SEC14L5: variants seen among roughly 807,000 people sequenced by gnomAD.
SEC14L5 encodes the protein SEC14 like lipid binding 5.
In SEC14L5, 96 loss-of-function variants were observed where a neutral mutation model predicts 84.6. The observed-to-expected ratio is 1.13, with a 90% confidence interval of 0.96 to 1.34. SEC14L5 has a LOEUF of 1.34. SEC14L5 is among the 40% of genes most tolerant of loss of function. The pLI, the probability that SEC14L5 is intolerant of heterozygous loss-of-function variation, is 0.00. For missense variants in SEC14L5, 1,224 were observed against 942.5 expected (o/e 1.30, Z -3.91); for synonymous variants, 546 against 383.4 (o/e 1.42, Z -4.95).
intron 12 of SEC14L5, among the ~76,000 whole-genome samples, chr16:5,006,756 A>T (rs1955736107): frequency 1.3e-5 from 2 of 152,138 alleles, no homozygotes; most frequent in African/African-American, 4.8e-5. Flanking sequence ...TTTTTAGCAA[A>T]CGGTTCTGCA....
chr16:5,001,226 C>A (rs1955673208), intron 10 of SEC14L5, among the ~76,000 whole-genome samples: 1 of 151,570 alleles, frequency 6.6e-6, no homozygotes, highest in Admixed American at 6.6e-5. Context: ...CCTCCCACTC[C>A]ACTCAACAGT....
At chr16:5,003,316 C>A in intron 10 of SEC14L5, 86 bp from the exon 11 acceptor site, 1 of 1,034,598 alleles carries the variant, frequency 9.7e-7, no homozygotes, top group Non-Finnish European at 1.5e-6. Flanking sequence ...TCTCTCGGAG[C>A]CTCCCTGTTC....
chr16:4,963,991 T>C (rs1410517549), intron 2 of SEC14L5, among the ~76,000 whole-genome samples: 2 of 152,232 alleles, frequency 1.3e-5, no homozygotes, highest in Admixed American at 1.3e-4. Flanking sequence ...TCAGCCTTCC[T>C]TTCTTTCTTG....
chr16:5,001,691 T>C (rs1251327195), intron 10 of SEC14L5, among the ~76,000 whole-genome samples: 1 of 152,160 alleles, frequency 6.6e-6, no homozygotes, highest in Non-Finnish European at 1.5e-5. Context: ...TCCTGAACTG[T>C]TTCCCGGAGC....
At chr16:4,959,238 G>A (rs1955089008) in intron 1 of SEC14L5, 35 bp from the exon 2 acceptor site, 1 of 1,030,016 alleles carries the variant, frequency 9.7e-7, no homozygotes, top group Non-Finnish European at 1.5e-6. Context: ...TCCCGAGGTG[G>A]GAGCTGCAAC....
In SEC14L5 at chr16:4,959,405, T is replaced by C. The variant is rs1409794178; in HGVS notation, c.63+19T>C. ...CATGGCGGTGAGTGACTCCTGATTC[T>C]TGGGCCCCCATGTGACAGTTGGAGG... On this transcript the variant is annotated intron_variant, in intron 2 of 15. Transcript: ENST00000251170. 2.5e-6 allele frequency: 4 copies of C among 1,611,604 alleles called. No individual in the cohort carries two copies. The East Asian group carries it at 6.7e-5, about 27-fold the overall frequency.
At chr16:4,980,337 TA>T (rs1955406254) in intron 2 of SEC14L5, among the ~76,000 whole-genome samples, 1 of 152,132 alleles carries the variant, frequency 6.6e-6, no homozygotes, top group African/African-American at 2.4e-5. Flanking sequence ...CTGGGAGAAG[TA>T]CCTTCCTTTC....
chr16:4,991,028 A>G, intron 5 of SEC14L5, 133 bp downstream of exon 5: 3 of 621,366 alleles, frequency 4.8e-6, no homozygotes, highest in Non-Finnish European at 7.5e-6. Flanking sequence ...TACTCTAGTA[A>G]TGACCAAATC....
chr16:4,987,997 G>A (rs1955511554), intron 3 of SEC14L5, among the ~76,000 whole-genome samples, 152 bp from the exon 4 acceptor site: 1 of 151,988 alleles, frequency 6.6e-6, no homozygotes, highest in Non-Finnish European at 1.5e-5. Context: ...GTCGGGGGTT[G>A]GTGTCCTGGG....
Position 5,003,389 on chromosome 16 carries a change from A to C in SEC14L5, c.1131-13A>C, listed in dbSNP as rs769794743. The C allele has an allele frequency of 2.5e-6, 4 of 1,608,908 alleles. No homozygotes were observed. In the East Asian group the frequency reaches 8.9e-5, roughly 36 times the overall value. On this transcript the variant is annotated splice_polypyrimidine_tract_variant and intron_variant, in intron 10 of 15. Transcript: ENST00000251170. ...AGCAGAGCCAGGTGGAGCTGGGGCT[A>C]TTTCTGCCACAGCTCCTGGACCTGC...
At chr16:4,995,580 T>A (rs1955599853) in intron 6 of SEC14L5, among the ~76,000 whole-genome samples, 1 of 151,858 alleles carries the variant, frequency 6.6e-6, no homozygotes, top group African/African-American at 2.4e-5. Context: ...TCATTCGAGT[T>A]ACTCCACCTC....
At chr16:5,000,566 T>C (rs1955663523) in intron 8 of SEC14L5, 89 bp from the exon 9 acceptor site, 2 of 988,688 alleles carry the variant, frequency 2.0e-6, no homozygotes, top group South Asian at 3.0e-5. Flanking sequence ...CCTGAGGAGG[T>C]GAAGCTCTCA....
chr16:4,967,712 A>C (rs1955221271), intron 2 of SEC14L5, among the ~76,000 whole-genome samples: 2 of 150,436 alleles, frequency 1.3e-5, no homozygotes, highest in Admixed American at 1.3e-4. Flanking sequence ...AGCTGGGATT[A>C]CAGGTGCCCG....
chr16:5,014,993 GC>G lies in SEC14L5; in HGVS notation c.*26del. The G allele has an allele frequency of 6.5e-7, 1 of 1,533,544 alleles. No individual in the cohort carries two copies. The highest frequency in any genetic ancestry group is 2.2e-5 in the East Asian group (1 of 44,598). 95.0% of individuals were successfully genotyped at this position (1,533,544 alleles called of 1,614,324 possible). A position where few individuals can be genotyped will look rare whatever the true frequency, so the allele number is the denominator to read the frequency against. ...TAGCCGGGCCCAGTGTTTCAGGGCC[GC>G]CCGCTCGCCTCCAGTGTCCAGAAAT... On this transcript the variant is annotated 3_prime_UTR_variant, in exon 16 of 16. Transcript: ENST00000251170.
In SEC14L5 at chr16:4,987,701, C is replaced by T; in HGVS notation, c.208C>T (p.Arg70Trp). Residue 70 changes from arginine (R) to tryptophan (W), a missense_variant, in exon 3 of 16, where the codon CGG becomes TGG. By Grantham distance (101) the Arg-to-Trp change is moderately radical. Transcript: ENST00000251170. Reference protein sequence around the residue: ...RLRVDAPRLLRKIAGVEHVVF... With the variant: ...RLRVDAPRLLWKIAGVEHVVF... ...GCGCGTGGACGCCCCGCGGCTGCTG[C>T]GGAAGGTGGGCGGCCCTGGGGCTGG... The T allele has an allele frequency of 6.6e-7, 1 of 1,515,172 alleles. No individual in the cohort carries two copies. The highest frequency in any genetic ancestry group is 8.8e-7 in the Non-Finnish European group (1 of 1,136,962). 93.9% of individuals were successfully genotyped at this position (1,515,172 alleles called of 1,614,324 possible).
intron 2 of SEC14L5, among the ~76,000 whole-genome samples, chr16:4,981,569 G>A (rs1955424361): frequency 6.6e-6 from 1 of 152,138 alleles, no homozygotes; most frequent in South Asian, 2.1e-4. Flanking sequence ...GGGAGGAGAA[G>A]ATGTGACCGC....
At chr16:4,967,899 G>T (rs1955224759) in intron 2 of SEC14L5, among the ~76,000 whole-genome samples, 1 of 149,956 alleles carries the variant, frequency 6.7e-6, no homozygotes, top group Non-Finnish European at 1.5e-5. Flanking sequence ...GACCACACCT[G>T]GCCTCCTTCC....
intron 2 of SEC14L5, among the ~76,000 whole-genome samples, chr16:4,972,477 A>G (rs908385408): frequency 6.6e-6 from 1 of 152,154 alleles, no homozygotes; most frequent in Non-Finnish European, 1.5e-5. Context: ...CCCATGAAAC[A>G]CTAACTCTCC....
intron 2 of SEC14L5, among the ~76,000 whole-genome samples, chr16:4,963,777 C>G (rs545079420): frequency 6.6e-6 from 1 of 152,342 alleles, no homozygotes; most frequent in South Asian, 2.1e-4. Context: ...CCTTAGTCTC[C>G]AGAGTACAGC....
Sources: gnomAD v4.1 joint callset for allele counts (sites outside exome capture counted in the v4.1 genomes callset) on GRCh38, gnomAD v4.1.1 for gene constraint, MANE v1.5 for transcripts, NCBI Gene and HGNC (gene_info 2026-07-23, HGNC 2026-07-21) for gene names.